The following ICE2 variants were observed in gnomAD, a reference collection of about 807,000 sequenced individuals.
ICE2 encodes interactor of little elongation complex ELL subunit 2, also known as little elongation complex subunit 2.
A neutral mutation model predicts 105.4 loss-of-function variants in ICE2; 87 were observed. That is an observed-to-expected ratio of 0.83 (90% CI 0.69 to 0.99). The LOEUF is 0.99. ICE2 is among the 50% of genes least tolerant of loss of function. The pLI is 0.00. For missense variants in ICE2, 1,323 were observed against 1,146.7 expected, an observed-to-expected ratio of 1.15 and a Z score of -2.22; for synonymous variants, 399 against 392.0, an observed-to-expected ratio of 1.02 and a Z score of -0.21.
At chr15:60,459,384 G>T (rs2141108535) in intron 5 of ICE2, among the ~76,000 whole-genome samples, 1 of 152,254 alleles carries the variant, frequency 6.6e-6, no homozygotes, top group South Asian at 2.1e-4. Context: ...TGGAAAAAAG[G>T]TAACTGCCAA....
In ICE2 at chr15:60,466,567, T is replaced by C. The variant is rs1253074043; in HGVS notation, c.528+27A>G. 2.5e-6 allele frequency: 4 copies of C among 1,606,846 alleles called. No homozygotes were observed. The African/African-American group carries it at 4.0e-5, about 16-fold the overall frequency. Reference sequence around the variant, plus strand: ...CTGCTATTGCCTATCACTTCGCAATTTACACAAATGTGAGTTGTTTTTTTA... The same window carrying C: ...CTGCTATTGCCTATCACTTCGCAATCTACACAAATGTGAGTTGTTTTTTTA... On this transcript the variant is annotated intron_variant, in intron 5 of 15. Transcript: ENST00000261520.
intron 11 of ICE2, among the ~76,000 whole-genome samples, chr15:60,444,165 A>T (rs1032052462): frequency 3.3e-5 from 5 of 152,162 alleles, no homozygotes; most frequent in African/African-American, 1.2e-4. Flanking sequence ...CAGAACTGAA[A>T]AAAGTTGACT....
chr15:60,456,767 C>A lies in ICE2; in HGVS notation c.556G>T (p.Val186Leu). Residue 186 changes from valine to leucine, a missense_variant, in exon 6 of 16, where the codon GTG becomes TTG. Transcript: ENST00000261520. ...EKILRACIEQ[V>L]KKYSEFYTLH... ...GTATAGAATTCTGAATACTTTTTCACTTGTTCAATGCAAGCTCTTAAAATT... is the reference window on the plus strand; with the variant it reads ...GTATAGAATTCTGAATACTTTTTCAATTGTTCAATGCAAGCTCTTAAAATT... 6.6e-7 allele frequency: 1 copy of A among 1,517,310 alleles called. No individual in the cohort carries two copies. The highest frequency in any genetic ancestry group is 1.3e-5 in the South Asian group (1 of 74,926). The allele number at this position is 1,517,310 out of a possible 1,614,324, so 94.0% of individuals were successfully genotyped here. A position where few individuals can be genotyped will look rare whatever the true frequency, so the allele number is the denominator to read the frequency against.
chr15:60,459,890 A>T (rs1399556311), intron 5 of ICE2, among the ~76,000 whole-genome samples: 3 of 151,698 alleles, frequency 2.0e-5, no homozygotes, highest in Admixed American at 6.6e-5. Context: ...AAAGGAGTTT[A>T]AAAAAAAACA....
intron 13 of ICE2, among the ~76,000 whole-genome samples, chr15:60,435,537 T>G (rs914250380): frequency 2.0e-5 from 3 of 150,568 alleles, no homozygotes; most frequent in Admixed American, 1.3e-4. Context: ...AGGTGGAGGC[T>G]GCAGTGAACT....
At chr15:60,460,782 A>T (rs2064253645) in intron 5 of ICE2, among the ~76,000 whole-genome samples, 3 of 152,218 alleles carry the variant, frequency 2.0e-5, no homozygotes, top group Non-Finnish European at 1.5e-5. Context: ...TGACTATGCT[A>T]GAACAACTAG....
intron 2 of ICE2, among the ~76,000 whole-genome samples, chr15:60,477,107 A>G (rs1188317027): frequency 3.3e-5 from 5 of 152,262 alleles, no homozygotes; most frequent in Non-Finnish European, 5.9e-5. Context: ...AAAGGCATTT[A>G]TCCAAAAAAC....
At chr15:60,446,012 C>T (rs2141049249) in intron 11 of ICE2, among the ~76,000 whole-genome samples, 1 of 152,212 alleles carries the variant, frequency 6.6e-6, no homozygotes, top group Middle Eastern at 3.4e-3. Flanking sequence ...CAAATAAAGT[C>T]AAATCTTTTA....
intron 13 of ICE2, among the ~76,000 whole-genome samples, chr15:60,433,076 A>C (rs1239293036): frequency 2.6e-5 from 4 of 152,004 alleles, no homozygotes; most frequent in African/African-American, 9.7e-5. Context: ...CTAAAGGGAA[A>C]TAAAACACAG....
intron 9 of ICE2, chr15:60,451,144 T>C (rs1424151962): frequency 2.5e-6 from 2 of 788,544 alleles, no homozygotes; most frequent in Non-Finnish European, 3.1e-6. Context: ...AAGAAAAATT[T>C]GACAGAGACA....
At position 60,423,160 on chromosome 15, in the gene ICE2, C is replaced by CA. The variant is rs2063264115; in HGVS notation, c.*473dup. The CA allele has an allele frequency of 6.6e-6, 1 of 152,622 alleles. No homozygotes were observed. The highest frequency in any genetic ancestry group is 2.4e-5 in the African/African-American group (1 of 41,406). 9.5% of individuals were successfully genotyped at this position (152,622 alleles called of 1,614,324 possible). A position where few individuals can be genotyped will look rare whatever the true frequency, so the allele number is the denominator to read the frequency against. ...AACTTTATTAACCTGTAACATTCAT[C>CA]ATTTTAAAGGAGTATATAAAAACTG... On this transcript the variant is annotated 3_prime_UTR_variant, in exon 16 of 16. Transcript: ENST00000261520.
chr15:60,472,209 T>C (rs1447290700), intron 3 of ICE2, among the ~76,000 whole-genome samples: 1 of 152,166 alleles, frequency 6.6e-6, no homozygotes, highest in Non-Finnish European at 1.5e-5. Context: ...ACTTTTTATA[T>C]TATTCATTTG....
rs537054801 is a variant in ICE2, at chr15:60,467,843, T to C, written c.408+218A>G. Among the ~76,000 whole-genome samples the C allele has an allele frequency of 1.7e-3, 260 of 152,308 alleles. 1 individual carries two copies. The highest frequency in any genetic ancestry group is 6.0e-3 in the African/African-American group (249 of 41,566). On this transcript the variant is annotated intron_variant, in intron 4 of 15. Coordinates refer to ENST00000261520, the MANE Select transcript of ICE2 (RefSeq NM_024611.6). ...TATGTAAAATTCTACTGCTAGTACT[T>C]AAGATGAACTGGAGTGAGTCATGCT... is the stretch of plus-strand genomic sequence containing the variant.
At chr15:60,476,252 C>G (rs1042769979) in intron 2 of ICE2, 85 bp from the exon 3 acceptor site, 18 of 778,716 alleles carry the variant, frequency 2.3e-5, no homozygotes, top group Non-Finnish European at 3.6e-5. Context: ...TTGTAACTTA[C>G]AATTTCATAC....
intron 13 of ICE2, among the ~76,000 whole-genome samples, chr15:60,434,289 G>A (rs181937934): frequency 6.6e-6 from 1 of 152,154 alleles, no homozygotes; most frequent in East Asian, 1.9e-4. Flanking sequence ...TTGGTAGAAG[G>A]GCAAACTGAG....
chr15:60,469,777 A>T (rs777320532), intron 3 of ICE2, among the ~76,000 whole-genome samples: 8 of 152,180 alleles, frequency 5.3e-5, no homozygotes, highest in Non-Finnish European at 1.2e-4. Flanking sequence ...TTTATTTTAG[A>T]GAGTTTCTCT....
intron 2 of ICE2, among the ~76,000 whole-genome samples, chr15:60,476,753 T>A (rs2064773722): frequency 6.6e-6 from 1 of 152,228 alleles, no homozygotes; most frequent in South Asian, 2.1e-4. Context: ...TTCCATATAG[T>A]TAGGCATCCA....
In ICE2 at chr15:60,455,115, G is replaced by C. The variant is rs1395373789; in HGVS notation, c.831C>G (p.His277Gln). ...ACTGACTAGTTAGAGCTATCTGAGGGTGATATCTGGAAACAAGCTTCTCTG... is the reference window on the plus strand; with the variant it reads ...ACTGACTAGTTAGAGCTATCTGAGGCTGATATCTGGAAACAAGCTTCTCTG... Reference protein sequence around the residue: ...PNAEKLVSRYHPQIALTSQSL... With the variant: ...PNAEKLVSRYQPQIALTSQSL... The change falls in exon 8 of 16, where the codon CAC becomes CAG. Residue 277 changes from histidine to glutamine, a missense_variant. His to Gln is a conservative substitution (Grantham distance 24). Transcript: ENST00000261520. The C allele has an allele frequency of 2.5e-6, 4 of 1,592,064 alleles. No homozygotes were observed. In the East Asian group the frequency reaches 8.9e-5, roughly 36 times the overall value.
chr15:60,474,146 C>A (rs1360472875), intron 3 of ICE2, among the ~76,000 whole-genome samples: 1 of 152,046 alleles, frequency 6.6e-6, no homozygotes, highest in Admixed American at 6.6e-5. Flanking sequence ...CATCTTCCTG[C>A]CTTACCCTTG....
Sources: gnomAD v4.1 joint callset for allele counts (sites outside exome capture counted in the v4.1 genomes callset) on GRCh38, gnomAD v4.1.1 for gene constraint, MANE v1.5 for transcripts, NCBI Gene and HGNC (gene_info 2026-07-23, HGNC 2026-07-21) for gene names.